AFF3: variants seen among roughly 807,000 people sequenced by gnomAD.
AFF3 encodes ALF transcription elongation factor 3, also known as AF4/FMR2 family member 3.
AFF3 carries 32 observed loss-of-function variants against 129.7 expected under a neutral mutation model. The ratio of observed to expected loss-of-function variants is 0.25; its 90% confidence interval spans 0.19 to 0.33. The LOEUF (loss-of-function observed/expected upper bound fraction) is 0.33, where lower values mean the gene tolerates loss of function less well. AFF3 is among the 10% of genes least tolerant of loss of function. The pLI, the probability that AFF3 is intolerant of heterozygous loss-of-function variation, is 1.00. For synonymous variants in AFF3, 644 were observed against 635.4 expected (o/e 1.01, Z -0.20); for missense variants, 1,373 against 1,592.0 (o/e 0.86, Z 2.34).
intron 4 of AFF3, among the ~76,000 whole-genome samples, chr2:100,051,876 A>G (rs1370286727): frequency 6.6e-6 from 1 of 152,248 alleles, no homozygotes; most frequent in African/African-American, 2.4e-5. Context: ...GAGAGATTTG[A>G]TCAATTAAAG....
intron 8 of AFF3, among the ~76,000 whole-genome samples, chr2:99,835,860 G>A (rs1172349437): frequency 6.6e-6 from 1 of 152,196 alleles, no homozygotes; most frequent in Non-Finnish European, 1.5e-5. Flanking sequence ...GAGTGTTGTG[G>A]CACAGGTGCA....
intron 8 of AFF3, among the ~76,000 whole-genome samples, chr2:99,831,778 C>A (rs555322094): frequency 6.6e-6 from 1 of 152,180 alleles, no homozygotes; most frequent in African/African-American, 2.4e-5. Context: ...GTCCAATGGC[C>A]CACACACATA....
intron 11 of AFF3, among the ~76,000 whole-genome samples, chr2:99,715,796 C>T (rs372540348): frequency 5.3e-5 from 8 of 151,918 alleles, no homozygotes; most frequent in South Asian, 2.1e-4. Context: ...CTCAGCCTCC[C>T]GAGTAGCTGG....
At position 100,105,511 on chromosome 2, in the gene AFF3, G is replaced by C. The variant is rs1400998435; in HGVS notation, c.-72C>G. The C allele has an allele frequency of 1.2e-5, 16 of 1,330,844 alleles. No individual in the cohort carries two copies. The highest frequency in any genetic ancestry group is 1.6e-5 in the Non-Finnish European group (16 of 1,004,408). 82.4% of individuals were successfully genotyped at this position (1,330,844 alleles called of 1,614,324 possible). ...TTTCTTTTTATTTCTCACCGGGAAG[G>C]GGGACAAACTGGCCTCTGGGTGTCG... On this transcript the variant is annotated 5_prime_UTR_variant, in exon 3 of 25. Transcript: ENST00000672756.
chr2:100,016,372 ATGG>A (rs981249460), intron 4 of AFF3, among the ~76,000 whole-genome samples: 4 of 144,652 alleles, frequency 2.8e-5, no homozygotes, highest in African/African-American at 1.0e-4. Context: ...AGTGATGGTG[ATGG>A]TGGTGGTTGT....
intron 8 of AFF3, among the ~76,000 whole-genome samples, chr2:99,778,895 CGCGTGTGTGTGTGTGT>C (rs1335096698): frequency 6.6e-5 from 9 of 137,132 alleles, no homozygotes; most frequent in Non-Finnish European, 1.2e-4. Context: ...TGTGTGTGTG[CGCGTGTGTGTGTGTGT>C]GTGTGTGTGT....
intron 13 of AFF3, among the ~76,000 whole-genome samples, chr2:99,610,678 C>T (rs529822211): frequency 1.3e-5 from 2 of 152,200 alleles, no homozygotes; most frequent in South Asian, 2.1e-4. Flanking sequence ...TGGATGTAAA[C>T]GTCCATTTCT....
chr2:99,713,682 CAG>C lies in AFF3; in HGVS notation c.1091+13393_1091+13394del, dbSNP rs201115166. Among the ~76,000 whole-genome samples, 112 of 151,896 alleles carry C rather than the reference CAG, an allele frequency of 7.4e-4. 2 individuals carry two copies. In the East Asian group the frequency reaches 0.013, roughly 18 times the overall value. On this transcript the variant is annotated intron_variant, in intron 11 of 24. Transcript: ENST00000672756. ...GGGCCCTGGGCAATTAAACAGGAGA[CAG>C]GGGAATATAGACTCCCTATTTTTTT...
At chr2:99,592,869 G>C (rs924197510) in intron 15 of AFF3, among the ~76,000 whole-genome samples, 1 of 151,890 alleles carries the variant, frequency 6.6e-6, no homozygotes, top group Non-Finnish European at 1.5e-5. Context: ...CTGGGAGGCA[G>C]AGGTTGCAGT....
intron 10 of AFF3, among the ~76,000 whole-genome samples, chr2:99,730,238 G>A (rs1196142427): frequency 6.6e-6 from 1 of 152,184 alleles, no homozygotes; most frequent in African/African-American, 2.4e-5. Context: ...TTTGAGATAT[G>A]AAACAGCTTG....
At chr2:99,670,054 A>G (rs1687018821) in intron 12 of AFF3, among the ~76,000 whole-genome samples, 2 of 152,186 alleles carry the variant, frequency 1.3e-5, no homozygotes, top group African/African-American at 4.8e-5. Context: ...CCAATTTTAC[A>G]AACAGAGACA....
chr2:100,011,637 A>G lies in AFF3; in HGVS notation c.54-2705T>C, dbSNP rs1682561731. 7 of 773,156 alleles carry G rather than the reference A, an allele frequency of 9.1e-6. No individual in the cohort carries two copies. In the South Asian group the frequency reaches 9.4e-5, roughly 10 times the overall value. 47.9% of individuals were successfully genotyped at this position (773,156 alleles called of 1,614,324 possible). ...AAACCTGATTAGCCTTGAGTATCTT[A>G]GCGTGCATGAGTCTGTCAGCATATT... On this transcript the variant is annotated intron_variant, in intron 4 of 24. Transcript: ENST00000672756.
chr2:99,753,661 G>A (rs557756537), intron 8 of AFF3, among the ~76,000 whole-genome samples: 37 of 152,262 alleles, frequency 2.4e-4, no homozygotes, highest in Middle Eastern at 3.4e-3. Flanking sequence ...ACAGGAAGCC[G>A]TGGGAGGGCG....
intron 8 of AFF3, among the ~76,000 whole-genome samples, chr2:99,754,845 T>A (rs184457329): frequency 4.7e-4 from 72 of 152,306 alleles, no homozygotes; most frequent in African/African-American, 1.7e-3. Context: ...CCTGAAAACT[T>A]ACCATTGGCA....
At chr2:99,935,076 A>G (rs113644318) in intron 7 of AFF3, among the ~76,000 whole-genome samples, 2 of 152,256 alleles carry the variant, frequency 1.3e-5, no homozygotes, top group Non-Finnish European at 2.9e-5. Flanking sequence ...TTAAAATCCC[A>G]GCACATTCAT....
intron 8 of AFF3, among the ~76,000 whole-genome samples, chr2:99,768,462 GTCT>G (rs1683196907): frequency 6.6e-6 from 1 of 152,100 alleles, no homozygotes; most frequent in Non-Finnish European, 1.5e-5. Context: ...ATACAAATGG[GTCT>G]TCTTTTTTGC....
rs1435337253 is a variant in AFF3 at position 99,770,961 on chromosome 2, G to A, written c.922-18660C>T. Among the ~76,000 whole-genome samples the A allele has an allele frequency of 2.6e-5, 4 of 152,130 alleles. No homozygotes were observed. In the East Asian group the frequency reaches 7.7e-4, roughly 29 times the overall value. ...TTTGTTGCCTGGGTTTGGAGGAGGG[G>A]TAGTGTAAGCACTCCCTATTCACAA... On this transcript the variant is annotated intron_variant, in intron 8 of 24. Coordinates refer to ENST00000672756, the MANE Select transcript of AFF3 (RefSeq NM_001386135.1).
At chr2:99,752,722 T>C (rs1400814184) in intron 8 of AFF3, among the ~76,000 whole-genome samples, 2 of 152,222 alleles carry the variant, frequency 1.3e-5, no homozygotes, top group Non-Finnish European at 1.5e-5. Context: ...GAGGAGTTAT[T>C]TATACAATTA....
At chr2:100,041,628 CA>C (rs1188424522) in intron 4 of AFF3, among the ~76,000 whole-genome samples, 1 of 152,130 alleles carries the variant, frequency 6.6e-6, no homozygotes, top group Non-Finnish European at 1.5e-5. Context: ...GATATACAGT[CA>C]AAATTAAGAG....
Sources: allele counts gnomAD v4.1 joint callset (sites outside exome capture counted in the v4.1 genomes callset), GRCh38; gene constraint gnomAD v4.1.1; transcripts MANE v1.5; gene names NCBI Gene and HGNC (gene_info 2026-07-23, HGNC 2026-07-21).